ZEB2: variants seen among roughly 807,000 people sequenced by gnomAD.
ZEB2 encodes the protein zinc finger E-box binding homeobox 2.
In ZEB2, 6 loss-of-function variants were observed where a neutral mutation model predicts 99.9. That is an observed-to-expected ratio of 0.06 (90% CI 0.03 to 0.12). The LOEUF (loss-of-function observed/expected upper bound fraction) is 0.12. ZEB2 is among the 10% of genes least tolerant of loss of function. The probability of loss-of-function intolerance (pLI) is 1.00; values close to 1 mark genes in which losing one functional copy is unlikely to be tolerated. For missense variants in ZEB2, 969 were observed against 1,502.8 expected (o/e 0.64, Z 5.87); for synonymous variants, 517 against 542.5 (o/e 0.95, Z 0.65).
rs1703069753 is a variant in ZEB2, at chr2:144,385,485, T to G, written c.*3966A>C. On this transcript the variant is annotated 3_prime_UTR_variant, in exon 10 of 10. Transcript: ENST00000627532. ...ACATGCAATGTGAGATTCAAATAAT[T>G]GCATTGAGCATGTTTATTTGAATAA... is the stretch of plus-strand genomic sequence containing the variant. 2.0e-5 allele frequency: 3 copies of G among 152,308 alleles called. No homozygotes were observed. The South Asian group carries it at 6.2e-4, about 32-fold the overall frequency. 9.4% of individuals were successfully genotyped at this position (152,308 alleles called of 1,614,324 possible).
intron 2 of ZEB2, among the ~76,000 whole-genome samples, chr2:144,479,664 T>G (rs1316033348): frequency 9.2e-6 from 1 of 108,874 alleles, no homozygotes; most frequent in Admixed American, 1.3e-4. Flanking sequence ...TCTTAGTGAG[T>G]GTGTATGCTA....
At position 144,399,490 on chromosome 2, in the gene ZEB2, A is replaced by G; in HGVS notation, c.1697T>C (p.Val566Ala). 1 of 1,614,174 alleles carries G rather than the reference A, an allele frequency of 6.2e-7. No homozygotes were observed. ...GTTCTCAATCATTTTGTCATCAGTG[A>G]CCAAATCTATTAAAGTACGTAGCTT... is the stretch of plus-strand genomic sequence containing the variant. ...KEKLRTLIDL[V>A]TDDKMIENHN... The change falls in exon 8 of 10, where the codon GTC becomes GCC. Residue 566 changes from valine (V) to alanine (A), a missense_variant. Physicochemically the swap from Val to Ala is moderately conservative, Grantham distance 64 (BLOSUM62 0). Around this residue, in one of 8 missense-constraint regions of ZEB2, gnomAD observed 227 missense variants for 278.2 expected, o/e 0.82. Coordinates refer to ENST00000627532, the MANE Select transcript of ZEB2 (RefSeq NM_014795.4). The surrounding 1 kb of genome is among the most constrained non-coding windows in gnomAD (Gnocchi z 5.6).
At chr2:144,402,053 T>G (rs1267905705) in intron 6 of ZEB2, among the ~76,000 whole-genome samples, 1 of 152,184 alleles carries the variant, frequency 6.6e-6, no homozygotes, top group African/African-American at 2.4e-5. Context: ...TTCAACGACT[T>G]TTCATTTTCC....
rs564289200 is a variant in ZEB2, at chr2:144,410,920, T to C, written c.404-5896A>G. 8.2e-4 allele frequency among the ~76,000 whole-genome samples: 124 copies of C among 151,414 alleles called. 1 individual carries two copies. The highest frequency in any genetic ancestry group is 3.0e-3 in the African/African-American group (124 of 41,338). On this transcript the variant is annotated intron_variant, in intron 4 of 9. Coordinates refer to ENST00000627532, the MANE Select transcript of ZEB2 (RefSeq NM_014795.4). ...TCCATCCATCCCCTTGTTTAATAAC[T>C]GTTTATTGAGTGCCTACTAGTGCCA...
chr2:144,438,242 G>C (rs1703862414), intron 2 of ZEB2, among the ~76,000 whole-genome samples: 1 of 152,186 alleles, frequency 6.6e-6, no homozygotes, highest in South Asian at 2.1e-4. Context: ...GCAGTTTACT[G>C]AAGTCAATAA....
intron 9 of ZEB2, 34 bp from the exon 10 acceptor site, chr2:144,390,062 T>C: frequency 3.8e-6 from 6 of 1,594,376 alleles, no homozygotes; most frequent in South Asian, 3.3e-5. Flanking sequence ...GGGTGATTAG[T>C]GTCTTTGCAT....
At chr2:144,502,320 T>C (rs1481863478) in intron 2 of ZEB2, among the ~76,000 whole-genome samples, 1 of 152,180 alleles carries the variant, frequency 6.6e-6, no homozygotes, top group African/African-American at 2.4e-5. Context: ...AAAAGGAGTA[T>C]TCTGGCAGCA....
chr2:144,495,165 TA>T (rs1011088981), intron 2 of ZEB2: 1 of 152,244 alleles, frequency 6.6e-6, no homozygotes, highest in Non-Finnish European at 1.5e-5. Context: ...TTTTTATTGC[TA>T]TTTTTTCTCC....
chr2:144,391,221 C>G (rs1404153639), intron 9 of ZEB2, among the ~76,000 whole-genome samples: 1 of 152,178 alleles, frequency 6.6e-6, no homozygotes, highest in Non-Finnish European at 1.5e-5. Flanking sequence ...TTGAATGCCT[C>G]CAGGGCATGC....
intron 2 of ZEB2, among the ~76,000 whole-genome samples, chr2:144,459,596 A>G (rs1197068346): frequency 6.6e-6 from 1 of 152,160 alleles, no homozygotes; most frequent in Non-Finnish European, 1.5e-5. Context: ...TTATCAACAT[A>G]CTAAAAAAAT....
chr2:144,410,495 A>T (rs911128370), intron 4 of ZEB2, among the ~76,000 whole-genome samples: 1 of 152,204 alleles, frequency 6.6e-6, no homozygotes, highest in Admixed American at 6.5e-5. Flanking sequence ...ACAGAACTCT[A>T]AATAAAAGAG....
At chr2:144,511,972 T>C (rs1448285291) in intron 2 of ZEB2, 1 of 1,287,254 alleles carries the variant, frequency 7.8e-7, no homozygotes, top group Admixed American at 2.3e-5. Context: ...TGTTTCTGCA[T>C]CACAGATTTT....
intron 2 of ZEB2, among the ~76,000 whole-genome samples, chr2:144,466,843 A>G (rs751495428): frequency 6.6e-6 from 1 of 152,132 alleles, no homozygotes; most frequent in Non-Finnish European, 1.5e-5. Context: ...ATGAGTCCGA[A>G]ATGTTCTCAG....
chr2:144,511,820 G>A lies in ZEB2; in HGVS notation c.73+5458C>T, dbSNP rs764051633. 7 of 1,286,974 alleles carry A rather than the reference G, an allele frequency of 5.4e-6. No homozygotes were observed. In the African/African-American group the frequency reaches 7.6e-5, roughly 14 times the overall value. 79.7% of individuals were successfully genotyped at this position (1,286,974 alleles called of 1,614,324 possible). ...AAAAGAAGTAAAGAGGGGGAATAGG[G>A]CTATATTTATTGGTTTAAATCATCC... On this transcript the variant is annotated intron_variant, in intron 2 of 9. Transcript: ENST00000627532.
At chr2:144,420,276 C>T (rs1703602299) in intron 4 of ZEB2, among the ~76,000 whole-genome samples, 2 of 152,118 alleles carry the variant, frequency 1.3e-5, no homozygotes, top group African/African-American at 4.8e-5. Flanking sequence ...CTCTGTCACC[C>T]AGGCTGGAGT....
intron 2 of ZEB2, among the ~76,000 whole-genome samples, chr2:144,454,480 G>A (rs572592906): frequency 2.0e-5 from 3 of 152,214 alleles, no homozygotes; most frequent in Middle Eastern, 3.4e-3. Flanking sequence ...TCCAGAGGAC[G>A]CTTGCTATCA....
intron 2 of ZEB2, among the ~76,000 whole-genome samples, chr2:144,436,938 A>G (rs767827345): frequency 9.9e-5 from 15 of 152,166 alleles, no homozygotes; most frequent in Non-Finnish European, 1.8e-4. Flanking sequence ...TGATTTCCCA[A>G]AGACTTGACA....
chr2:144,446,107 G>A (rs1235990553), intron 2 of ZEB2, among the ~76,000 whole-genome samples: 1 of 150,878 alleles, frequency 6.6e-6, no homozygotes, highest in Non-Finnish European at 1.5e-5. Flanking sequence ...CCTTCATAAG[G>A]CAGTTAAACT....
chr2:144,429,953 A>G lies in ZEB2; in HGVS notation c.147T>C (p.Asp49=). 1 of 1,613,922 alleles carries G rather than the reference A, an allele frequency of 6.2e-7. No individual in the cohort carries two copies. Among genetic ancestry groups the G allele is most frequent in the East Asian group, 2.2e-5 (1 of 44,850 alleles). The change falls in exon 3 of 10, where the codon GAT becomes GAC. Residue 49 remains aspartate, a synonymous_variant. Coordinates refer to ENST00000627532, the MANE Select transcript of ZEB2 (RefSeq NM_014795.4). ...DEEDKLHIAE[D]DGIANPLDQE... is the part of the protein sequence containing the mutation. ...GGTCCAGAGGGTTGGCAATACCGTC[A>G]TCCTCAGCAATATGAAGCTTGTCTT...
Sources: gnomAD v4.1 joint callset for allele counts (sites outside exome capture counted in the v4.1 genomes callset) on GRCh38, gnomAD v4.1.1 for gene constraint, gnomAD v4.1.1 regional missense constraint, Gnocchi (gnomAD v3.1) non-coding constraint, MANE v1.5 for transcripts, NCBI Gene and HGNC (gene_info 2026-07-23, HGNC 2026-07-21) for gene names.